Variants in GSR observed in about 807,000 individuals in gnomAD.
The protein encoded by GSR is glutathione reductase, mitochondrial.
GSR carries 48 observed loss-of-function variants against 56.5 expected under a neutral mutation model. That is an observed-to-expected ratio of 0.85 (90% confidence interval 0.67 to 1.08). The LOEUF (loss-of-function observed/expected upper bound fraction) is 1.08, where lower values mean the gene tolerates loss of function less well. Ranked by LOEUF, GSR falls within the 50% of genes least tolerant of loss-of-function variation. The probability of loss-of-function intolerance (pLI) is 0.00; values close to 1 mark genes in which losing one functional copy is unlikely to be tolerated. For missense variants in GSR, 694 were observed against 703.3 expected, an observed-to-expected ratio of 0.99 and a Z score of 0.15; for synonymous variants, 264 against 270.8, an observed-to-expected ratio of 0.97 and a Z score of 0.25.
chr8:30,679,582 C>T lies in GSR; in HGVS notation c.1507G>A (p.Asp503Asn), dbSNP rs1802871204. ...VAVKMGATKADFDNTVAIHPT... is the reference protein window; with the variant it reads ...VAVKMGATKANFDNTVAIHPT... ...TGAATGGCGACTGTGTTGTCAAAGTCTGCCTTCGTTGCTCCCATCTTCACT... is the reference window on the plus strand; with the variant it reads ...TGAATGGCGACTGTGTTGTCAAAGTTTGCCTTCGTTGCTCCCATCTTCACT... The change falls in exon 13 of 13, where the codon GAC becomes AAC. Residue 503 changes from aspartate to asparagine, a missense_variant. Physicochemically the swap from Asp to Asn is conservative, Grantham distance 23. Transcript: ENST00000221130. The T allele has an allele frequency of 1.2e-6, 2 of 1,614,144 alleles. No individual in the cohort carries two copies. Among genetic ancestry groups the T allele is most frequent in the Non-Finnish European group, 1.7e-6 (2 of 1,180,004 alleles).
intron 8 of GSR, among the ~76,000 whole-genome samples, chr8:30,689,928 T>C (rs1803310863): frequency 7.0e-6 from 1 of 142,644 alleles, no homozygotes; most frequent in African/African-American, 2.5e-5. Context: ...TTAATGTTTT[T>C]ATTAAATATA....
chr8:30,710,633 C>G (rs1475954542), intron 2 of GSR, among the ~76,000 whole-genome samples: 1 of 129,138 alleles, frequency 7.7e-6, no homozygotes, highest in Non-Finnish European at 1.6e-5. Flanking sequence ...AGGAGAATCA[C>G]TTGAACCTGG....
At chr8:30,700,813 T>C (rs372543712) in intron 5 of GSR, among the ~76,000 whole-genome samples, 20 of 151,110 alleles carry the variant, frequency 1.3e-4, no homozygotes, top group Admixed American at 4.0e-4. Flanking sequence ...GGTGTACACA[T>C]TGAATTACAA....
chr8:30,710,714 CAAAAAAAAAAAAAAAA>C (rs60532553), intron 2 of GSR, among the ~76,000 whole-genome samples: 3 of 51,036 alleles, frequency 5.9e-5, no homozygotes, highest in Non-Finnish European at 7.5e-5. Context: ...GACTCTGTCT[CAAAAAAAAAAAAAAAA>C]AAAAAAAAAA....
intron 1 of GSR, among the ~76,000 whole-genome samples, chr8:30,723,807 CA>C (rs68029388): frequency 0.64 from 95,968 of 150,598 alleles, 34,474 homozygotes; most frequent in Non-Finnish European, 0.8. Flanking sequence ...CACACACACA[CA>C]CACACACACA....
At position 30,708,376 on chromosome 8, in the gene GSR, C is replaced by T. The variant is rs116122782; in HGVS notation, c.423-235G>A. Among the ~76,000 whole-genome samples, 1,471 of 152,254 alleles carry T rather than the reference C, an allele frequency of 9.7e-3. 30 individuals are homozygous for T. The highest frequency in any genetic ancestry group is 0.033 in the African/African-American group (1,383 of 41,536). ...ACACTCAGTTGGCATCATCTTTCTG[C>T]GCAGAAGACAAGGAGAAATGTTTTG... is the stretch of plus-strand genomic sequence containing the variant. On this transcript the variant is annotated intron_variant, in intron 3 of 12. Transcript: ENST00000221130.
At chr8:30,707,459 A>G (rs1461058019) in intron 4 of GSR, among the ~76,000 whole-genome samples, 1 of 152,166 alleles carries the variant, frequency 6.6e-6, no homozygotes, top group Non-Finnish European at 1.5e-5. Context: ...GCAGGAGTTT[A>G]AAGACCAGCC....
rs758486247 is a variant in GSR at position 30,679,524 on chromosome 8, C to T, written c.1565G>A (p.Arg522His). Residue 522 changes from arginine to histidine, a missense_variant, in exon 13 of 13, where the codon CGT becomes CAT. By Grantham distance (29) the Arg-to-His change is conservative. Transcript: ENST00000221130. ...GCCACACGTGTCTCCTGGTTCTCAA[C>T]GAAGTGTGACCAGCTCTTCTGAAGA... ...PTSSEELVTL[R>H] 40 of 1,613,862 alleles carry T rather than the reference C, an allele frequency of 2.5e-5. No homozygotes were observed. Among genetic ancestry groups the T allele is most frequent in the Admixed American group, 1.3e-4 (8 of 59,962 alleles).
chr8:30,691,355 A>G (rs1027013507), intron 8 of GSR, among the ~76,000 whole-genome samples: 1 of 151,548 alleles, frequency 6.6e-6, no homozygotes, highest in African/African-American at 2.4e-5. Flanking sequence ...ACCCTGTCTC[A>G]AAAACAAAAC....
chr8:30,687,578 G>A (rs141934129), intron 9 of GSR: 1 of 152,178 alleles, frequency 6.6e-6, no homozygotes, highest in Non-Finnish European at 1.5e-5. Flanking sequence ...AACCCAGGAG[G>A]CAGAGGTTGC....
At chr8:30,683,092 C>T (rs1803012481) in intron 10 of GSR, among the ~76,000 whole-genome samples, 1 of 152,166 alleles carries the variant, frequency 6.6e-6, no homozygotes. Flanking sequence ...TCACAAAGTG[C>T]TGAGATTACA....
intron 2 of GSR, among the ~76,000 whole-genome samples, chr8:30,710,429 A>T (rs1804088506): frequency 6.6e-6 from 1 of 151,534 alleles, no homozygotes; most frequent in Non-Finnish European, 1.5e-5. Context: ...AAAGAAACAA[A>T]CACAAGGCCG....
intron 1 of GSR, among the ~76,000 whole-genome samples, chr8:30,715,119 C>G (rs1378285186): frequency 6.6e-6 from 1 of 151,876 alleles, no homozygotes; most frequent in Non-Finnish European, 1.5e-5. Flanking sequence ...GACCCCATCT[C>G]TGTAAAAAAA....
chr8:30,681,480 G>A (rs1478586760), intron 11 of GSR, among the ~76,000 whole-genome samples: 7 of 151,928 alleles, frequency 4.6e-5, no homozygotes, highest in East Asian at 3.9e-4. Context: ...AGCAGAGATC[G>A]TGCCACTGCA....
At chr8:30,689,097 GA>G in intron 9 of GSR, 63 bp downstream of exon 9, 1 of 1,476,386 alleles carries the variant, frequency 6.8e-7, no homozygotes, top group Non-Finnish European at 9.5e-7. Context: ...TGTCTGGGGG[GA>G]AAATAAAACC....
chr8:30,690,072 AC>A (rs1411908522), intron 8 of GSR, among the ~76,000 whole-genome samples: 9 of 143,748 alleles, frequency 6.3e-5, no homozygotes, highest in African/African-American at 2.0e-4. Context: ...AATAAAATAT[AC>A]ATATATAAAA....
chr8:30,707,505 T>A (rs891143397), intron 4 of GSR, among the ~76,000 whole-genome samples: 2 of 152,044 alleles, frequency 1.3e-5, no homozygotes, highest in East Asian at 3.9e-4. Context: ...CAAAATATTT[T>A]AAAAATTAGC....
At chr8:30,703,336 T>A in intron 4 of GSR, 96 bp from the exon 5 acceptor site, 1 of 1,174,796 alleles carries the variant, frequency 8.5e-7, no homozygotes, top group Non-Finnish European at 1.3e-6. Context: ...CTGAACATTT[T>A]GATTCTTGGT....
intron 12 of GSR, among the ~76,000 whole-genome samples, chr8:30,680,389 T>G (rs1277894637): frequency 4.2e-5 from 6 of 144,336 alleles, no homozygotes; most frequent in African/African-American, 7.7e-5. Flanking sequence ...CTGTTTTTTT[T>G]TTTTTTTTTT....
Sources: allele counts gnomAD v4.1 joint callset (sites outside exome capture counted in the v4.1 genomes callset), GRCh38; gene constraint gnomAD v4.1.1; transcripts MANE v1.5; gene names NCBI Gene and HGNC (gene_info 2026-07-23, HGNC 2026-07-21).